GAA: variants seen among roughly 807,000 people sequenced by gnomAD.
GAA encodes alpha glucosidase.
GAA carries 88 observed loss-of-function variants against 103.9 expected under a neutral mutation model. The ratio of observed to expected loss-of-function variants is 0.85; its 90% CI spans 0.71 to 1.01. The LOEUF (loss-of-function observed/expected upper bound fraction) is 1.01. GAA is among the 50% of genes least tolerant of loss of function. The pLI is 0.00. For missense variants in GAA, 1,350 were observed against 1,305.3 expected, an observed-to-expected ratio of 1.03 and a Z score of -0.53; for synonymous variants, 572 against 563.1, an observed-to-expected ratio of 1.02 and a Z score of -0.22.
rs763612880 is a variant in GAA, at chr17:80,116,976, A to G, written c.2198A>G (p.Lys733Arg). ...GCCCATCCCCCTTGCAGGTTCCCCAAGGACTCTAGCACCTGGACTGTGGAC... is the reference window on the plus strand; with the variant it reads ...GCCCATCCCCCTTGCAGGTTCCCCAGGGACTCTAGCACCTGGACTGTGGAC... ...VARPLFLEFP[K>R]DSSTWTVDHQ... Residue 733 changes from lysine to arginine, a missense_variant, in exon 16 of 20, where the codon AAG becomes AGG. Lys to Arg is a conservative substitution (Grantham distance 26). Coordinates refer to ENST00000302262, the MANE Select transcript of GAA (RefSeq NM_000152.5). 6.2e-7 allele frequency: 1 copy of G among 1,613,622 alleles called. No homozygotes were observed. Among genetic ancestry groups the G allele is most frequent in the African/African-American group, 1.3e-5 (1 of 74,912 alleles).
In GAA at chr17:80,114,420, C is replaced by CT. The variant is rs11358043; in HGVS notation, c.2189+1072dup. 3.5e-3 allele frequency among the ~76,000 whole-genome samples: 478 copies of CT among 137,096 alleles called. 7 individuals are homozygous for CT. Among genetic ancestry groups the CT allele is most frequent in the Admixed American group, 4.3e-3 (59 of 13,572 alleles). 89.9% of individuals were successfully genotyped at this position (137,096 alleles called of 152,430 possible). A position where few individuals can be genotyped will look rare whatever the true frequency, so the allele number is the denominator to read the frequency against. On this transcript the variant is annotated intron_variant, in intron 15 of 19. Coordinates refer to ENST00000302262, the MANE Select transcript of GAA (RefSeq NM_000152.5). ...TGACCTTGTTGTTTCTGTCACTACA[C>CT]TTTTTTTTTTTTTTTTTTAGTGGTT...
In GAA at chr17:80,107,707, G is replaced by A. The variant is rs1221565410; in HGVS notation, c.843G>A (p.Arg281=). 3 of 1,610,012 alleles carry A rather than the reference G, an allele frequency of 1.9e-6. No homozygotes were observed. The highest frequency in any genetic ancestry group is 2.5e-6 in the Non-Finnish European group (3 of 1,179,022). ...TSWTRITLWN[R]DLAPTPGANL... is the part of the protein sequence containing the mutation. ...GGACCAGGATCACCCTGTGGAACCG[G>A]GACCTTGCGCCCACGGTACAGCGGC... Residue 281 remains arginine, a synonymous_variant, in exon 4 of 20, where the codon CGG becomes CGA. Transcript: ENST00000302262.
rs2304844 is a variant in GAA at position 80,110,708 on chromosome 17, G to C, written c.1438-19G>C. 0.71 allele frequency: 1,137,395 copies of C among 1,610,108 alleles called. 405,650 individuals are homozygous for C. Among genetic ancestry groups the C allele is most frequent in the Middle Eastern group, 0.8 (4,477 of 5,620 alleles). The stretch of plus-strand genomic sequence containing the variant: ...CTGGGTGGGGCCGGGTCTCCCCACT[G>C]CAGCCTCTCGTTGTCCAGGTATGGC... On this transcript the variant is annotated intron_variant, in intron 9 of 19. Coordinates refer to ENST00000302262, the MANE Select transcript of GAA (RefSeq NM_000152.5).
In GAA at chr17:80,105,744, T is replaced by G; in HGVS notation, c.547-5T>G. 2 of 1,612,132 alleles carry G rather than the reference T, an allele frequency of 1.2e-6. No individual in the cohort carries two copies. The highest frequency in any genetic ancestry group is 1.7e-6 in the Non-Finnish European group (2 of 1,179,904). ...GGAACATCAATAAACCCCCATCTCT[T>G]CTAGATCAAAGATCCAGCTAACAGG... On this transcript the variant is annotated splice_region_variant and splice_polypyrimidine_tract_variant and intron_variant, in intron 2 of 19. Transcript: ENST00000302262.
rs765713320 is a variant in GAA, at chr17:80,112,869, C to G, written c.1889-7C>G. Reference sequence around the variant, plus strand: ...GCCTGAGGACCAGCCTGACTCTGCCCTCCCAGAAATCCTGCAGTTTAACCT... The same window carrying G: ...GCCTGAGGACCAGCCTGACTCTGCCGTCCCAGAAATCCTGCAGTTTAACCT... On this transcript the variant is annotated splice_polypyrimidine_tract_variant and splice_region_variant and intron_variant, in intron 13 of 19. Transcript: ENST00000302262. 5 of 1,605,910 alleles carry G rather than the reference C, an allele frequency of 3.1e-6. No individual in the cohort carries two copies. In the South Asian group the frequency reaches 5.6e-5, roughly 18 times the overall value.
In GAA at chr17:80,105,771, G is replaced by A. The variant is rs528367092; in HGVS notation, c.569G>A (p.Arg190His). 27 of 1,612,164 alleles carry A rather than the reference G, an allele frequency of 1.7e-5. No individual in the cohort carries two copies. The highest frequency in any genetic ancestry group is 8.3e-5 in the Admixed American group (5 of 60,006). The part of the protein sequence containing the change: ...HFTIKDPANR[R>H]YEVPLETPHV... Reference sequence around the variant, plus strand: ...TAGATCAAAGATCCAGCTAACAGGCGCTACGAGGTGCCCTTGGAGACCCCG... The same window carrying A: ...TAGATCAAAGATCCAGCTAACAGGCACTACGAGGTGCCCTTGGAGACCCCG... The change falls in exon 3 of 20, where the codon CGC (arginine) becomes CAC (histidine). Residue 190 changes from arginine to histidine, a missense_variant. Transcript: ENST00000302262.
chr17:80,104,817 A>G lies in GAA; in HGVS notation c.231A>G (p.Ala77=), dbSNP rs748580998. The G allele has an allele frequency of 1.6e-5, 25 of 1,612,512 alleles. No individual in the cohort carries two copies. The highest frequency in any genetic ancestry group is 2.0e-5 in the Non-Finnish European group (24 of 1,179,828). Residue 77 remains alanine (A), a synonymous_variant, in exon 2 of 20, where the codon GCA becomes GCG. Transcript: ENST00000302262. The surrounding 1 kb of genome is among the most constrained non-coding windows in gnomAD (Gnocchi z 4.0). ...DAQAHPGRPR[A]VPTQCDVPPN... ...AGGCACACCCCGGCCGTCCCAGAGCAGTGCCCACACAGTGCGACGTCCCCC... is the reference window on the plus strand; with the variant it reads ...AGGCACACCCCGGCCGTCCCAGAGCGGTGCCCACACAGTGCGACGTCCCCC...
intron 1 of GAA, chr17:80,102,577 G>A (rs1003112780): frequency 5.3e-5 from 8 of 152,194 alleles, no homozygotes; most frequent in African/African-American, 1.7e-4. Flanking sequence ...GGGATCAGAG[G>A]GCTTCCCGCC....
Position 80,110,767 on chromosome 17 carries a change from C to G in GAA, c.1478C>G (p.Pro493Arg). 2 of 1,614,146 alleles carry G rather than the reference C, an allele frequency of 1.2e-6. No homozygotes were observed. The highest frequency in any genetic ancestry group is 1.7e-6 in the Non-Finnish European group (2 of 1,180,028). Residue 493 changes from proline to arginine, a missense_variant, in exon 10 of 20, where the codon CCC becomes CGC. Transcript: ENST00000302262. ...ACTGCCTTCCCCGACTTCACCAACC[C>G]CACAGCCCTGGCCTGGTGGGAGGAC... ...GSTAFPDFTN[P>R]TALAWWEDMV... is the part of the protein sequence containing the mutation.
In GAA at chr17:80,112,983, G is replaced by A. The variant is rs916566117; in HGVS notation, c.1996G>A (p.Ala666Thr). ...GTGTGTGCGCTGGACCCAGCTGGGG[G>A]CCTTCTACCCCTTCATGCGGAACCA... is the stretch of plus-strand genomic sequence containing the variant. ...ELCVRWTQLG[A>T]FYPFMRNHNS... Residue 666 changes from alanine (A) to threonine (T), a missense_variant, in exon 14 of 20, where the codon GCC (alanine) becomes ACC (threonine). Ala to Thr is a moderately conservative substitution (Grantham distance 58). Transcript: ENST00000302262. 2 of 1,610,928 alleles carry A rather than the reference G, an allele frequency of 1.2e-6. No individual in the cohort carries two copies. The highest frequency in any genetic ancestry group is 1.1e-5 in the South Asian group (1 of 90,532).
chr17:80,110,216 A>G (rs911170853), intron 9 of GAA, among the ~76,000 whole-genome samples, 161 bp downstream of exon 9: 4 of 152,264 alleles, frequency 2.6e-5, no homozygotes, highest in East Asian at 1.9e-4. Context: ...GGTGGCTCCT[A>G]CAAGGAATGG....
rs2039016394 is a variant in GAA, at chr17:80,104,275, T to A, written c.-32-280T>A. Among the ~76,000 whole-genome samples, 1 of 151,942 alleles carries A rather than the reference T, an allele frequency of 6.6e-6. No homozygotes were observed. The highest frequency in any genetic ancestry group is 2.1e-4 in the South Asian group (1 of 4,834). On this transcript the variant is annotated intron_variant, in intron 1 of 19. Transcript: ENST00000302262. The surrounding 1 kb of genome is among the most constrained non-coding windows in gnomAD (Gnocchi z 4.0). ...GTTTGGCCTGTTTCAAGTGTCTACC[T>A]GCCTTGCTGGTCTTCCTGGGGACAT...
In GAA at chr17:80,117,125, C is replaced by T. The variant is rs762495996; in HGVS notation, c.2331+16C>T. On this transcript the variant is annotated intron_variant, in intron 16 of 19. Transcript: ENST00000302262. ...CCTGCAGACGGTGAGTCTGGGGACCCTAAGCCCTGGGGAGACGGGAGACCA... is the reference window on the plus strand; with the variant it reads ...CCTGCAGACGGTGAGTCTGGGGACCTTAAGCCCTGGGGAGACGGGAGACCA... 7 of 1,611,676 alleles carry T rather than the reference C, an allele frequency of 4.3e-6. No homozygotes were observed. Among genetic ancestry groups the T allele is most frequent in the Admixed American group, 3.3e-5 (2 of 60,016 alleles).
At chr17:80,108,445 A>C (rs975343549) in intron 6 of GAA, 36 bp downstream of exon 6, 20 of 1,613,064 alleles carry the variant, frequency 1.2e-5, no homozygotes, top group Non-Finnish European at 1.7e-5. Flanking sequence ...CCCCGCCCCA[A>C]GGCTCCCTCC....
In GAA at chr17:80,105,819, C is replaced by A; in HGVS notation, c.617C>A (p.Ser206Tyr). The A allele has an allele frequency of 6.2e-7, 1 of 1,610,512 alleles. No individual in the cohort carries two copies. Among genetic ancestry groups the A allele is most frequent in the Non-Finnish European group, 8.5e-7 (1 of 1,179,940 alleles). The change falls in exon 3 of 20, where the codon TCC becomes TAC. Residue 206 changes from serine to tyrosine, a missense_variant. Physicochemically the swap from Ser to Tyr is moderately radical, Grantham distance 144 (BLOSUM62 -2). Coordinates refer to ENST00000302262, the MANE Select transcript of GAA (RefSeq NM_000152.5). ...CCGCATGTCCACAGCCGGGCACCGTCCCCACTCTACAGCGTGGAGTTCTCC... is the reference window on the plus strand; with the variant it reads ...CCGCATGTCCACAGCCGGGCACCGTACCCACTCTACAGCGTGGAGTTCTCC... The part of the protein sequence containing the change: ...ETPHVHSRAP[S>Y]PLYSVEFSEE...
At chr17:80,110,157 C>T (rs1217720682) in intron 9 of GAA, 102 bp downstream of exon 9, 18 of 912,592 alleles carry the variant, frequency 2.0e-5, no homozygotes, top group East Asian at 7.5e-5. Context: ...GGAGCCATCA[C>T]GCCCAGTGGG....
At position 80,104,520 on chromosome 17, in the gene GAA, C is replaced by G. The variant is rs990451956; in HGVS notation, c.-32-35C>G. 6.7e-7 allele frequency: 1 copy of G among 1,482,088 alleles called. No individual in the cohort carries two copies. The highest frequency in any genetic ancestry group is 2.3e-5 in the East Asian group (1 of 43,078). The allele number at this position is 1,482,088 out of a possible 1,614,324, so 91.8% of individuals were successfully genotyped here. A position where few individuals can be genotyped will look rare whatever the true frequency, so the allele number is the denominator to read the frequency against. Reference sequence around the variant, plus strand: ...AGAGCCCCGTGAGTGCCGCCCCTCCCGCCTCCCTGCTGAGCCCGCTTTCTT... The same window carrying G: ...AGAGCCCCGTGAGTGCCGCCCCTCCGGCCTCCCTGCTGAGCCCGCTTTCTT... On this transcript the variant is annotated intron_variant, in intron 1 of 19. Transcript: ENST00000302262. The surrounding 1 kb of genome is among the most constrained non-coding windows in gnomAD (Gnocchi z 4.0).
rs2039437851 is a variant in GAA at position 80,119,537 on chromosome 17, T to A, written c.*206T>A. ...AACGTGTCTAGGAGAGCTTTCTCCC[T>A]AGATCGCACTGTGGGCCGGGGCCCT... On this transcript the variant is annotated 3_prime_UTR_variant, in exon 20 of 20. Transcript: ENST00000302262. 3 of 601,218 alleles carry A rather than the reference T, an allele frequency of 5.0e-6. No homozygotes were observed. Among genetic ancestry groups the A allele is most frequent in the Non-Finnish European group, 9.1e-6 (3 of 330,542 alleles). 37.2% of individuals were successfully genotyped at this position (601,218 alleles called of 1,614,324 possible).
At position 80,113,323 on chromosome 17, in the gene GAA, G is replaced by C. The variant is rs1349701412; in HGVS notation, c.2146G>C (p.Ala716Pro). The C allele has an allele frequency of 1.3e-6, 2 of 1,598,046 alleles. No individual in the cohort carries two copies. The highest frequency in any genetic ancestry group is 1.7e-6 in the Non-Finnish European group (2 of 1,172,404). Residue 716 changes from alanine (A) to proline (P), a missense_variant, in exon 15 of 20, where the codon GCC (alanine) becomes CCC (proline). Physicochemically the swap from Ala to Pro is conservative, Grantham distance 27. Transcript: ENST00000302262. ...CCACCTCTACACACTGTTCCACCAG[G>C]CCCACGTCGCGGGGGAGACCGTGGC... ...LPHLYTLFHQ[A>P]HVAGETVARP...
Sources: allele counts gnomAD v4.1 joint callset (sites outside exome capture counted in the v4.1 genomes callset), GRCh38; gene constraint gnomAD v4.1.1; non-coding constraint Gnocchi (gnomAD v3.1); transcripts MANE v1.5; gene names NCBI Gene and HGNC (gene_info 2026-07-23, HGNC 2026-07-21).